The following CSMD1 variants were observed in gnomAD, a reference collection of about 807,000 sequenced individuals.
CSMD1 encodes the protein CUB and sushi domain-containing protein 1.
In CSMD1, 213 loss-of-function variants were observed where a neutral mutation model predicts 417.5. The ratio of observed to expected loss-of-function variants is 0.51; its 90% CI spans 0.46 to 0.57. The LOEUF (loss-of-function observed/expected upper bound fraction) is 0.57. Among genes scored for constraint, CSMD1 ranks in the 20% least tolerant of loss-of-function variants. The probability of loss-of-function intolerance (pLI) is 0.00; values close to 1 mark genes in which losing one functional copy is unlikely to be tolerated. For missense variants in CSMD1, 6,923 were observed against 4,529.7 expected, an observed-to-expected ratio of 1.53 and a Z score of -15.17; for synonymous variants, 2,862 against 1,736.8, an observed-to-expected ratio of 1.65 and a Z score of -16.11.
chr8:4,209,942 G>A (rs920583156), intron 3 of CSMD1, among the ~76,000 whole-genome samples: 10 of 152,226 alleles, frequency 6.6e-5, no homozygotes, highest in Admixed American at 2.6e-4. Flanking sequence ...GTGTTGCTAT[G>A]ACAATGGTAA....
In CSMD1 at chr8:4,654,911, C is replaced by T. The variant is rs990258130; in HGVS notation, c.86-17353G>A. ...TACCTATTATACATTATACAATATA[C>T]CCATGTAACAAACCTGCACAGGTAT... On this transcript the variant is annotated intron_variant, in intron 1 of 69. Transcript: ENST00000635120. Among the ~76,000 whole-genome samples the T allele has an allele frequency of 3.2e-4, 49 of 151,984 alleles. 1 individual carries two copies. Among genetic ancestry groups the T allele is most frequent in the South Asian group, 2.1e-3 (10 of 4,816 alleles).
At chr8:3,578,022 G>A (rs139093504) in intron 9 of CSMD1, among the ~76,000 whole-genome samples, 10 of 152,198 alleles carry the variant, frequency 6.6e-5, no homozygotes, top group African/African-American at 2.4e-4. Flanking sequence ...TAGCTGTCCT[G>A]CAGCTCACCT....
chr8:4,952,388 T>C lies in CSMD1; in HGVS notation c.85+41944A>G, dbSNP rs559265509. Among the ~76,000 whole-genome samples, 5 of 152,096 alleles carry C rather than the reference T, an allele frequency of 3.3e-5. No individual in the cohort carries two copies. In the East Asian group the frequency reaches 5.8e-4, roughly 18 times the overall value. The stretch of plus-strand genomic sequence containing the variant: ...GCGTTGATTCAAATGTCCACACAGT[T>C]TCACACTTAAAAATTGTAAAATGGA... On this transcript the variant is annotated intron_variant, in intron 1 of 69. Coordinates refer to ENST00000635120, the MANE Select transcript of CSMD1 (RefSeq NM_033225.6).
At chr8:3,216,050 AAT>A (rs1797863764) in intron 29 of CSMD1, among the ~76,000 whole-genome samples, 1 of 148,864 alleles carries the variant, frequency 6.7e-6, no homozygotes, top group African/African-American at 2.4e-5. Flanking sequence ...AATCTATATT[AAT>A]ATATATTATA....
intron 2 of CSMD1, among the ~76,000 whole-genome samples, chr8:4,539,283 G>A (rs915510980): frequency 6.6e-6 from 1 of 152,144 alleles, no homozygotes; most frequent in African/African-American, 2.4e-5. Flanking sequence ...AAGATAGTAT[G>A]CATATGTGGG....
At chr8:3,773,021 C>A (rs903705994) in intron 5 of CSMD1, among the ~76,000 whole-genome samples, 1 of 152,130 alleles carries the variant, frequency 6.6e-6, no homozygotes, top group Non-Finnish European at 1.5e-5. Context: ...AGGACCTCCT[C>A]CCTGTACCTT....
At chr8:3,878,930 G>T (rs544827660) in intron 5 of CSMD1, among the ~76,000 whole-genome samples, 1 of 152,138 alleles carries the variant, frequency 6.6e-6, no homozygotes, top group Non-Finnish European at 1.5e-5. Flanking sequence ...GTACATGACA[G>T]AAAATAACTT....
intron 12 of CSMD1, among the ~76,000 whole-genome samples, chr8:3,462,712 T>C (rs1437140602): frequency 2.0e-5 from 3 of 152,150 alleles, no homozygotes; most frequent in South Asian, 2.1e-4. Flanking sequence ...TGCACTTCAG[T>C]CACCCTGAAA....
At chr8:3,952,740 T>A (rs1968319) in intron 5 of CSMD1, among the ~76,000 whole-genome samples, 114,474 of 152,184 alleles carry the variant, frequency 0.75, 43,610 homozygotes, top group African/African-American at 0.87. Context: ...TAAAATGGCT[T>A]ATTGTATGTT....
chr8:4,252,794 C>G (rs986707421), intron 3 of CSMD1, among the ~76,000 whole-genome samples: 1 of 152,222 alleles, frequency 6.6e-6, no homozygotes, highest in African/African-American at 2.4e-5. Flanking sequence ...TATGCCTCTT[C>G]TGTACACTTT....
rs183762503 is a variant in CSMD1 at position 4,150,557 on chromosome 8, C to G, written c.416-118458G>C. On this transcript the variant is annotated intron_variant, in intron 3 of 69. Transcript: ENST00000635120. The stretch of plus-strand genomic sequence containing the variant: ...CCAAGTGTAATGAATTAACATGACC[C>G]TGCTGAAGGATTCATAACTCAGGTA... Among the ~76,000 whole-genome samples the G allele has an allele frequency of 3.0e-3, 464 of 152,250 alleles. 1 individual carries two copies. The highest frequency in any genetic ancestry group is 0.014 in the Middle Eastern group (4 of 294).
intron 10 of CSMD1, among the ~76,000 whole-genome samples, chr8:3,505,525 G>C (rs1283201897): frequency 6.6e-6 from 1 of 152,172 alleles, no homozygotes; most frequent in Non-Finnish European, 1.5e-5. Flanking sequence ...ATGAAATAAA[G>C]CTGTATGACA....
chr8:3,836,129 G>A (rs1200479361), intron 5 of CSMD1, among the ~76,000 whole-genome samples: 1 of 151,840 alleles, frequency 6.6e-6, no homozygotes, highest in Non-Finnish European at 1.5e-5. Flanking sequence ...TCCTTTGAAA[G>A]GTGTGAAGTT....
chr8:3,723,308 G>C (rs948337076), intron 6 of CSMD1, among the ~76,000 whole-genome samples: 1 of 152,114 alleles, frequency 6.6e-6, no homozygotes, highest in African/African-American at 2.4e-5. Context: ...TCAGGAAAAA[G>C]TCCCTTTTAA....
chr8:3,440,485 G>C (rs1814902719), intron 12 of CSMD1, among the ~76,000 whole-genome samples: 1 of 152,146 alleles, frequency 6.6e-6, no homozygotes, highest in Admixed American at 6.6e-5. Context: ...TTTTGTTGTT[G>C]TTGTTCATCC....
intron 3 of CSMD1, among the ~76,000 whole-genome samples, chr8:4,033,301 G>A (rs967406697): frequency 5.3e-5 from 8 of 152,074 alleles, no homozygotes; most frequent in Non-Finnish European, 8.8e-5. Context: ...AATTAGCCGG[G>A]CGTGGTGGCG....
intron 1 of CSMD1, among the ~76,000 whole-genome samples, chr8:4,685,932 A>T (rs891404222): frequency 6.6e-6 from 1 of 152,238 alleles, no homozygotes; most frequent in African/African-American, 2.4e-5. Context: ...TTACTGGATC[A>T]TCTTTAAAAG....
intron 2 of CSMD1, among the ~76,000 whole-genome samples, chr8:4,625,029 T>C (rs551310239): frequency 1.3e-5 from 2 of 152,218 alleles, no homozygotes; most frequent in African/African-American, 4.8e-5. Flanking sequence ...ACCATAGAGA[T>C]CATGAGAAAC....
At chr8:4,521,776 T>C (rs1188207706) in intron 2 of CSMD1, among the ~76,000 whole-genome samples, 3 of 152,140 alleles carry the variant, frequency 2.0e-5, no homozygotes, top group Non-Finnish European at 1.5e-5. Flanking sequence ...CTTCACTGGA[T>C]ACTTAAGTGT....
Sources: gnomAD v4.1 joint callset for allele counts (sites outside exome capture counted in the v4.1 genomes callset) on GRCh38, gnomAD v4.1.1 for gene constraint, MANE v1.5 for transcripts, NCBI Gene and HGNC (gene_info 2026-07-23, HGNC 2026-07-21) for gene names.